Variants in GRIN3A observed in about 807,000 individuals in gnomAD.
GRIN3A encodes the protein glutamate receptor ionotropic, NMDA 3A.
Under a neutral mutation model 92.4 loss-of-function variants are expected in GRIN3A, and 47 were observed. The ratio of observed to expected loss-of-function variants is 0.51; its 90% CI spans 0.40 to 0.65. GRIN3A has a LOEUF of 0.65. Ranked by LOEUF, GRIN3A falls within the 30% of genes least tolerant of loss-of-function variation. GRIN3A has a pLI of 0.00. For synonymous variants in GRIN3A, 527 were observed against 540.6 expected, an observed-to-expected ratio of 0.97 and a Z score of 0.35; for missense variants, 1,324 against 1,393.1, an observed-to-expected ratio of 0.95 and a Z score of 0.79.
At chr9:101,595,319 C>A (rs77038586) in intron 6 of GRIN3A, among the ~76,000 whole-genome samples, 3 of 146,904 alleles carry the variant, frequency 2.0e-5, no homozygotes, top group African/African-American at 7.5e-5. Context: ...CTACTTATTT[C>A]TTTTTTTTTT....
At chr9:101,633,172 G>T (rs187307256) in intron 3 of GRIN3A, among the ~76,000 whole-genome samples, 7 of 152,236 alleles carry the variant, frequency 4.6e-5, no homozygotes, top group African/African-American at 1.7e-4. Flanking sequence ...TAATGTTGCA[G>T]ATTAAAAAAT....
chr9:101,605,401 G>A (rs1226539007), intron 6 of GRIN3A, among the ~76,000 whole-genome samples: 4 of 151,970 alleles, frequency 2.6e-5, no homozygotes, highest in Non-Finnish European at 5.9e-5. Flanking sequence ...TAAGCAATTT[G>A]TGTTCATGAC....
At chr9:101,705,260 C>A (rs949869155) in intron 1 of GRIN3A, among the ~76,000 whole-genome samples, 1 of 152,072 alleles carries the variant, frequency 6.6e-6, no homozygotes, top group African/African-American at 2.4e-5. Flanking sequence ...AGGAACAGAG[C>A]CGCAGAGAAC....
rs1564155882 is a variant in GRIN3A, at chr9:101,737,323, TG to T, written c.656del (p.Pro219GlnfsTer2). The T allele has an allele frequency of 6.2e-7, 1 of 1,614,168 alleles. No homozygotes were observed. Among genetic ancestry groups the T allele is most frequent in the East Asian group, 2.2e-5 (1 of 44,846 alleles). ...ACTCGTGGCGCACGATGCTGATCAC[TG>T]GAATGTGCAGGACTAAGCTGACCAA... ...LDLVSLVLHIPVISIVRHEFP... is the reference protein window; with the variant it reads ...LDLVSLVLHIXVISIVRHEFP... On this transcript the variant is annotated frameshift_variant, in exon 1 of 9. Coordinates refer to ENST00000361820, the MANE Select transcript of GRIN3A (RefSeq NM_133445.3). LOFTEE classifies it high-confidence loss of function.
chr9:101,688,247 A>T (rs1269956534), intron 1 of GRIN3A, among the ~76,000 whole-genome samples: 1 of 152,210 alleles, frequency 6.6e-6, no homozygotes, highest in Admixed American at 6.5e-5. Context: ...GTACCAAAAA[A>T]TGTGTAACAG....
At chr9:101,627,617 C>T (rs914785960) in intron 4 of GRIN3A, among the ~76,000 whole-genome samples, 3 of 152,090 alleles carry the variant, frequency 2.0e-5, no homozygotes, top group Non-Finnish European at 2.9e-5. Context: ...TCCCTTTTCT[C>T]AGGAAGACTA....
chr9:101,604,514 C>T (rs146290217), intron 6 of GRIN3A, among the ~76,000 whole-genome samples: 1 of 152,280 alleles, frequency 6.6e-6, no homozygotes, highest in African/African-American at 2.4e-5. Context: ...AAGGAAAGCA[C>T]TCAGCTGTCA....
rs1262248583 is a variant in GRIN3A at position 101,738,029 on chromosome 9, C to T, written c.-50G>A. ...GCGCCCCCTCCTGCGCCCGGCTCGCCCCTCTGCAGCCGCTGCCTGAGGTCT... is the reference window on the plus strand; with the variant it reads ...GCGCCCCCTCCTGCGCCCGGCTCGCTCCTCTGCAGCCGCTGCCTGAGGTCT... On this transcript the variant is annotated 5_prime_UTR_variant, in exon 1 of 9. Transcript: ENST00000361820. 18 of 1,464,836 alleles carry T rather than the reference C, an allele frequency of 1.2e-5. No homozygotes were observed. Among genetic ancestry groups the T allele is most frequent in the Non-Finnish European group, 1.4e-5 (15 of 1,084,348 alleles). 90.7% of individuals were successfully genotyped at this position (1,464,836 alleles called of 1,614,324 possible). A position where few individuals can be genotyped will look rare whatever the true frequency, so the allele number is the denominator to read the frequency against.
intron 6 of GRIN3A, among the ~76,000 whole-genome samples, chr9:101,600,093 T>G (rs931840051): frequency 5.9e-5 from 9 of 152,222 alleles, no homozygotes; most frequent in African/African-American, 2.2e-4. Flanking sequence ...GCAGAGTTAC[T>G]TATCTGAATC....
At chr9:101,632,110 AAAAC>A (rs989362331) in intron 3 of GRIN3A, among the ~76,000 whole-genome samples, 29 of 152,106 alleles carry the variant, frequency 1.9e-4, no homozygotes, top group African/African-American at 6.5e-4. Context: ...TCTCATTTCC[AAAAC>A]AAACATTTTG....
intron 2 of GRIN3A, among the ~76,000 whole-genome samples, chr9:101,674,956 C>T (rs941106700): frequency 6.6e-6 from 1 of 151,842 alleles, no homozygotes; most frequent in Non-Finnish European, 1.5e-5. Context: ...AAAAGGGGAA[C>T]CATGAAGATT....
At position 101,737,715 on chromosome 9, in the gene GRIN3A, G is replaced by C; in HGVS notation, c.265C>G (p.Pro89Ala). Residue 89 changes from proline (P) to alanine (A), a missense_variant, in exon 1 of 9, where the codon CCG becomes GCG. Coordinates refer to ENST00000361820, the MANE Select transcript of GRIN3A (RefSeq NM_133445.3). Reference sequence around the variant, plus strand: ...CAGCGTGCGCCCGGCGAGGGCGCCGGGGACCGCCTAGTCCCTGGCTCCGGC... The same window carrying C: ...CAGCGTGCGCCCGGCGAGGGCGCCGCGGACCGCCTAGTCCCTGGCTCCGGC... Reference protein sequence around the residue: ...DEPEPGTRRSPAPSPGARWLG... With the variant: ...DEPEPGTRRSAAPSPGARWLG... The C allele has an allele frequency of 6.5e-7, 1 of 1,530,060 alleles. No homozygotes were observed. Among genetic ancestry groups the C allele is most frequent in the Non-Finnish European group, 8.7e-7 (1 of 1,144,662 alleles). The allele number at this position is 1,530,060 out of a possible 1,614,324, so 94.8% of individuals were successfully genotyped here. A position where few individuals can be genotyped will look rare whatever the true frequency, so the allele number is the denominator to read the frequency against.
chr9:101,671,929 A>G (rs1385184294), intron 2 of GRIN3A, among the ~76,000 whole-genome samples: 1 of 152,186 alleles, frequency 6.6e-6, no homozygotes. Context: ...CACTTACAGT[A>G]TATGTTCTGA....
rs752591338 is a variant in GRIN3A at position 101,594,510 on chromosome 9, T to C, written c.2767-15150A>G. 6 of 1,614,084 alleles carry C rather than the reference T, an allele frequency of 3.7e-6. No individual in the cohort carries two copies. Among genetic ancestry groups the C allele is most frequent in the Non-Finnish European group, 5.1e-6 (6 of 1,180,046 alleles). On this transcript the variant is annotated intron_variant, in intron 6 of 8. Transcript: ENST00000361820. Reference sequence around the variant, plus strand: ...CCATCGCCATCCTTGTCCAGGATGATGATGGTTTTGTCGACCAGCTGCTGG... The same window carrying C: ...CCATCGCCATCCTTGTCCAGGATGACGATGGTTTTGTCGACCAGCTGCTGG...
chr9:101,689,179 G>A (rs1435046003), intron 1 of GRIN3A, among the ~76,000 whole-genome samples: 2 of 152,118 alleles, frequency 1.3e-5, no homozygotes, highest in African/African-American at 4.8e-5. Context: ...TGGAAGGCAA[G>A]CTCCACATTT....
chr9:101,595,166 G>A (rs560667705), intron 6 of GRIN3A: 61 of 554,616 alleles, frequency 1.1e-4, no homozygotes, highest in African/African-American at 1.1e-3. Context: ...TGTCTGGGCA[G>A]GAGTATAGGG....
chr9:101,719,399 A>G (rs1829983462), intron 1 of GRIN3A, among the ~76,000 whole-genome samples: 1 of 149,464 alleles, frequency 6.7e-6, no homozygotes, highest in African/African-American at 2.5e-5. Context: ...AGCCCAGGCA[A>G]CAGTGTGAGA....
In GRIN3A at chr9:101,687,066, G is replaced by A; in HGVS notation, c.834C>T (p.Asp278=). ...LLCQEDWNIT[D]FLLLTQNNSK... ...AATTATTCTGGGTAAGGAGGAGGAA[G>A]TCGGTGATGTTCCAGTCTTCCTGGC... The change falls in exon 2 of 9, where the codon GAC becomes GAT. Residue 278 remains aspartate (D), a synonymous_variant. Transcript: ENST00000361820. 6.2e-7 allele frequency: 1 copy of A among 1,614,164 alleles called. No homozygotes were observed. Among genetic ancestry groups the A allele is most frequent in the Non-Finnish European group, 8.5e-7 (1 of 1,180,006 alleles).
intron 6 of GRIN3A, among the ~76,000 whole-genome samples, chr9:101,581,272 G>T (rs947133923): frequency 2.2e-4 from 33 of 152,234 alleles, no homozygotes; most frequent in African/African-American, 7.5e-4. Flanking sequence ...CTAACCTGAG[G>T]GTAGCATAAA....
Sources: allele counts gnomAD v4.1 joint callset (sites outside exome capture counted in the v4.1 genomes callset), GRCh38; gene constraint gnomAD v4.1.1; transcripts MANE v1.5; gene names NCBI Gene and HGNC (gene_info 2026-07-23, HGNC 2026-07-21).